LIN7A: variants seen among roughly 807,000 people sequenced by gnomAD.
The protein encoded by LIN7A is lin-7 cell polarity scaffold A.
Under a neutral mutation model 29.8 loss-of-function variants are expected in LIN7A, and 25 were observed. The ratio of observed to expected loss-of-function variants is 0.84; its 90% confidence interval spans 0.61 to 1.17. The LOEUF is 1.17. Among genes scored for constraint, LIN7A ranks in the 50% most tolerant of loss-of-function variants. The pLI, the probability that LIN7A is intolerant of heterozygous loss-of-function variation, is 0.00. For synonymous variants in LIN7A, 118 were observed against 107.5 expected (o/e 1.10, Z -0.60); for missense variants, 239 against 287.0 (o/e 0.83, Z 1.21).
chr12:80,881,628 G>GTT (rs398116653), intron 2 of LIN7A, among the ~76,000 whole-genome samples: 1 of 31,538 alleles, frequency 3.2e-5, no homozygotes, highest in African/African-American at 4.4e-5. Context: ...ATAAAGCTAA[G>GTT]TTATATATAT....
At chr12:80,866,556 G>A (rs1373496681) in intron 2 of LIN7A, among the ~76,000 whole-genome samples, 3 of 152,094 alleles carry the variant, frequency 2.0e-5, no homozygotes, top group South Asian at 4.1e-4. Flanking sequence ...AAATGTTGCT[G>A]CATAATGGAA....
chr12:80,885,289 G>A (rs1875269519), intron 2 of LIN7A, among the ~76,000 whole-genome samples: 1 of 152,050 alleles, frequency 6.6e-6, no homozygotes, highest in Admixed American at 6.6e-5. Flanking sequence ...AATTAATACA[G>A]CATGAAGCTA....
chr12:80,916,676 A>G (rs1428323271), intron 1 of LIN7A, among the ~76,000 whole-genome samples: 1 of 152,238 alleles, frequency 6.6e-6, no homozygotes, highest in Admixed American at 6.5e-5. Context: ...TGATAAGTGA[A>G]TGCATTTACA....
At chr12:80,849,956 G>A (rs1309240890) in intron 2 of LIN7A, among the ~76,000 whole-genome samples, 1 of 152,144 alleles carries the variant, frequency 6.6e-6, no homozygotes, top group Non-Finnish European at 1.5e-5. Flanking sequence ...GCCAGGGAAA[G>A]TGACTTTGCC....
intron 4 of LIN7A, among the ~76,000 whole-genome samples, chr12:80,821,032 C>T (rs1190918473): frequency 6.6e-6 from 1 of 152,180 alleles, no homozygotes; most frequent in Non-Finnish European, 1.5e-5. Context: ...ACCACCATCC[C>T]CTACATATCC....
intron 4 of LIN7A, among the ~76,000 whole-genome samples, chr12:80,816,644 G>T (rs539102484): frequency 1.1e-4 from 17 of 152,242 alleles, no homozygotes; most frequent in Non-Finnish European, 1.5e-4. Context: ...TAGCTCAGTA[G>T]ATAACCAAAG....
chr12:80,829,534 A>C (rs1194231357), intron 4 of LIN7A, among the ~76,000 whole-genome samples: 1 of 152,194 alleles, frequency 6.6e-6, no homozygotes, highest in African/African-American at 2.4e-5. Flanking sequence ...TGGAAAAATC[A>C]TAAGGAAGGA....
intron 4 of LIN7A, among the ~76,000 whole-genome samples, chr12:80,836,447 A>C (rs898497588): frequency 8.5e-5 from 13 of 152,174 alleles, no homozygotes; most frequent in African/African-American, 3.1e-4. Flanking sequence ...GCTCGAGCTC[A>C]GGAGTTTGAG....
At chr12:80,818,912 A>G (rs1871664023) in intron 4 of LIN7A, among the ~76,000 whole-genome samples, 1 of 152,228 alleles carries the variant, frequency 6.6e-6, no homozygotes, top group African/African-American at 2.4e-5. Flanking sequence ...TTTTGCCTTG[A>G]TTTAGCTCTA....
chr12:80,878,608 A>G (rs1323028792), intron 2 of LIN7A, among the ~76,000 whole-genome samples: 4 of 152,170 alleles, frequency 2.6e-5, no homozygotes, highest in Non-Finnish European at 4.4e-5. Context: ...ACGGAAAGAG[A>G]TCTGAGCGGG....
chr12:80,839,015 T>G (rs1003456092), intron 4 of LIN7A, among the ~76,000 whole-genome samples: 1 of 152,238 alleles, frequency 6.6e-6, no homozygotes, highest in African/African-American at 2.4e-5. Flanking sequence ...ACTGAGCCAT[T>G]TGAATCAGAG....
chr12:80,871,618 A>T (rs1874431209), intron 2 of LIN7A, among the ~76,000 whole-genome samples: 1 of 152,072 alleles, frequency 6.6e-6, no homozygotes, highest in African/African-American at 2.4e-5. Flanking sequence ...TTATCAAAAG[A>T]AAACCAATAC....
Position 80,848,318 on chromosome 12 carries a change from T to C in LIN7A, c.206A>G (p.Tyr69Cys). 6.2e-7 allele frequency: 1 copy of C among 1,605,620 alleles called. No individual in the cohort carries two copies. Among genetic ancestry groups the C allele is most frequent in the Non-Finnish European group, 8.5e-7 (1 of 1,172,452 alleles). ...AGTTATCGTTTCATGCATATATTGA[T>C]ACACCTAAAATGTTCACATAAAAAG... ...SEFCTAIREVYQYMHETITVN... is the reference protein window; with the variant it reads ...SEFCTAIREVCQYMHETITVN... Residue 69 changes from tyrosine to cysteine, a missense_variant, in exon 3 of 6, where the codon TAT becomes TGT. Coordinates refer to ENST00000552864, the MANE Select transcript of LIN7A (RefSeq NM_004664.4).
chr12:80,835,190 T>C (rs548698278), intron 4 of LIN7A, among the ~76,000 whole-genome samples: 3 of 152,164 alleles, frequency 2.0e-5, no homozygotes, highest in South Asian at 4.1e-4. Flanking sequence ...TAAGGAAAAA[T>C]GTTGCAATAG....
intron 1 of LIN7A, among the ~76,000 whole-genome samples, chr12:80,897,200 C>A (rs534169850): frequency 4.6e-5 from 7 of 151,990 alleles, no homozygotes; most frequent in African/African-American, 1.2e-4. Context: ...TTTCAGCTTT[C>A]ATTTTTTTCT....
chr12:80,875,049 A>G (rs1299022999), intron 2 of LIN7A, among the ~76,000 whole-genome samples: 2 of 152,208 alleles, frequency 1.3e-5, no homozygotes, highest in African/African-American at 2.4e-5. Context: ...TTATTCCCAC[A>G]TTCCAGAATG....
chr12:80,835,535 G>T (rs1401707900), intron 4 of LIN7A, among the ~76,000 whole-genome samples: 1 of 152,056 alleles, frequency 6.6e-6, no homozygotes, highest in Middle Eastern at 3.2e-3. Flanking sequence ...GACTTAAACT[G>T]GGCGGAGAGT....
chr12:80,906,390 G>A (rs1279020315), intron 1 of LIN7A, among the ~76,000 whole-genome samples: 1 of 152,192 alleles, frequency 6.6e-6, no homozygotes, highest in Non-Finnish European at 1.5e-5. Context: ...AGTGAGAGAA[G>A]ATAGAGTGGA....
chr12:80,889,733 T>C (rs926259958), intron 1 of LIN7A, among the ~76,000 whole-genome samples: 3 of 152,144 alleles, frequency 2.0e-5, no homozygotes, highest in Admixed American at 6.6e-5. Flanking sequence ...GTTCAACTTT[T>C]CCTTTCCCAT....
Sources: allele counts gnomAD v4.1 joint callset (sites outside exome capture counted in the v4.1 genomes callset), GRCh38; gene constraint gnomAD v4.1.1; transcripts MANE v1.5; gene names NCBI Gene and HGNC (gene_info 2026-07-23, HGNC 2026-07-21).